EIF3I: variants seen among roughly 807,000 people sequenced by gnomAD.
EIF3I encodes the protein eukaryotic translation initiation factor 3 subunit I.
Under a neutral mutation model 43.3 loss-of-function variants are expected in EIF3I, and 20 were observed. That is an observed-to-expected ratio of 0.46 (90% CI 0.32 to 0.67). EIF3I has a LOEUF of 0.67. EIF3I is among the 30% of genes least tolerant of loss of function. The pLI, the probability that EIF3I is intolerant of heterozygous loss-of-function variation, is 0.03. For missense variants in EIF3I, 279 were observed against 421.4 expected, an observed-to-expected ratio of 0.66 and a Z score of 2.96; for synonymous variants, 167 against 151.7, an observed-to-expected ratio of 1.10 and a Z score of -0.74.
chr1:32,225,612 G>C (rs1424934090), intron 4 of EIF3I, among the ~76,000 whole-genome samples: 1 of 151,788 alleles, frequency 6.6e-6, no homozygotes, highest in African/African-American at 2.4e-5. Flanking sequence ...ATGGTGGTGG[G>C]CACCTGTAAT....
chr1:32,227,473 G>T (rs1569860633), intron 6 of EIF3I, among the ~76,000 whole-genome samples: 1 of 151,836 alleles, frequency 6.6e-6, no homozygotes, highest in African/African-American at 2.4e-5. Context: ...AAGTACTCAG[G>T]ACATGTTAAT....
exon 8 of EIF3I, chr1:32,228,745 C>T (rs1442633190): frequency 1.2e-6 from 2 of 1,614,152 alleles, no homozygotes; most frequent in South Asian, 2.2e-5. Flanking sequence ...CTCCACAACT[C>T]TTGAACATCA....
chr1:32,222,744 G>A, intron 2 of EIF3I, 114 bp downstream of exon 2: 1 of 1,051,980 alleles, frequency 9.5e-7, no homozygotes, highest in Non-Finnish European at 1.4e-6. Flanking sequence ...ATTGTGAGAA[G>A]TAGGGAGAGG....
rs72666795 is a variant in EIF3I, at chr1:32,231,027, A to C, written c.1007+8A>C. The C allele has an allele frequency of 0.091, 146,607 of 1,613,302 alleles. 9,755 individuals are homozygous for C. Among genetic ancestry groups the C allele is most frequent in the African/African-American group, 0.24 (17,649 of 74,904 alleles). ...CCATCCTGATGGCAAGAGGTAGGGT[A>C]CCAGTGAAGCAGCTGACCTAAGCCT... On this transcript the variant is annotated splice_region_variant and intron_variant, in intron 11 of 11. Coordinates refer to ENST00000676679, the Ensembl canonical transcript of EIF3I.
At chr1:32,232,030 T>G (rs968474407), downstream of EIF3I, 1 of 152,872 alleles carries the variant, frequency 6.5e-6, no homozygotes, top group Non-Finnish European at 1.5e-5. Context: ...GGGGAGAAGG[T>G]GTGGAGCTCA....
chr1:32,228,751 C>T (rs919100489), exon 8 of EIF3I: 1 of 1,614,124 alleles, frequency 6.2e-7, no homozygotes, highest in Non-Finnish European at 8.5e-7. Flanking sequence ...AACTCTTGAA[C>T]ATCAGAAGAC....
intron 2 of EIF3I, among the ~76,000 whole-genome samples, chr1:32,223,445 A>G (rs1411503654): frequency 1.3e-5 from 2 of 152,038 alleles, no homozygotes; most frequent in African/African-American, 4.8e-5. Context: ...CACCATGCCC[A>G]GCTAATTTTT....
chr1:32,224,551 G>A (rs1046662329), intron 4 of EIF3I, 76 bp downstream of exon 4: 56 of 1,074,856 alleles, frequency 5.2e-5, no homozygotes, highest in Non-Finnish European at 7.5e-5. Context: ...CAGGTCCTAG[G>A]AAAATAGAGA....
downstream of EIF3I, among the ~76,000 whole-genome samples, chr1:32,232,372 A>T (rs549437768): frequency 1.3e-5 from 2 of 152,366 alleles, no homozygotes; most frequent in South Asian, 4.1e-4. Flanking sequence ...GGAACAAGAC[A>T]AAGTCCTACT....
At position 32,222,641 on chromosome 1, in the gene EIF3I, G is replaced by A; in HGVS notation, c.96+11G>A. ...GTGGCCAAGGACCCTGTGAGTGTTG[G>A]CTGGAGGGGGTCCGGGAGGGGCGGG... On this transcript the variant is annotated intron_variant, in intron 2 of 11. Transcript: ENST00000676679. 6.2e-7 allele frequency: 1 copy of A among 1,613,498 alleles called. No individual in the cohort carries two copies. Among genetic ancestry groups the A allele is most frequent in the Non-Finnish European group, 8.5e-7 (1 of 1,179,476 alleles).
exon 6 of EIF3I, chr1:32,226,448 T>C: frequency 5.0e-6 from 8 of 1,602,906 alleles, no homozygotes; most frequent in Non-Finnish European, 6.8e-6. Context: ...GACTCTAAAA[T>C]CACCAGTGCT....
intron 4 of EIF3I, among the ~76,000 whole-genome samples, chr1:32,225,612 G>A (rs1424934090): frequency 6.6e-6 from 1 of 151,788 alleles, no homozygotes; most frequent in Non-Finnish European, 1.5e-5. Context: ...ATGGTGGTGG[G>A]CACCTGTAAT....
At chr1:32,224,289 G>T in intron 3 of EIF3I, 121 bp from the exon 4 acceptor site, 1 of 1,095,294 alleles carries the variant, frequency 9.1e-7, no homozygotes, top group South Asian at 1.3e-5. Context: ...TTCCAGTTCT[G>T]GATAAGGAGG....
intron 9 of EIF3I, among the ~76,000 whole-genome samples, chr1:32,230,126 A>G (rs999690471): frequency 7.9e-5 from 12 of 151,588 alleles, no homozygotes; most frequent in African/African-American, 2.9e-4. Context: ...GGCTCAAGCA[A>G]TCCTCTGTCC....
intron 3 of EIF3I, 50 bp from the exon 4 acceptor site, chr1:32,224,360 G>C (rs374204893): frequency 6.5e-7 from 1 of 1,527,168 alleles, no homozygotes; most frequent in South Asian, 1.1e-5. Flanking sequence ...GGCATCCCAA[G>C]AGGACAAGGG....
chr1:32,231,403 A>G (rs778448087), downstream of EIF3I: 6 of 477,706 alleles, frequency 1.3e-5, no homozygotes, highest in Non-Finnish European at 2.3e-5. Context: ...AGGCAGGAGA[A>G]TCACTTGAAC....
intron 4 of EIF3I, among the ~76,000 whole-genome samples, chr1:32,224,992 CCTGG>C: frequency 6.6e-6 from 1 of 152,292 alleles, no homozygotes; most frequent in East Asian, 1.9e-4. Context: ...CGCCATCACA[CCTGG>C]CTAATTTTTG....
At chr1:32,228,636 G>T (rs1317140387) in intron 7 of EIF3I, 27 bp downstream of exon 7, 1 of 1,610,288 alleles carries the variant, frequency 6.2e-7, no homozygotes. Flanking sequence ...GTCTGGCAGG[G>T]CTGCTCCCTC....
exon 12 of EIF3I, chr1:32,231,168 A>G (rs1639229529): frequency 6.2e-7 from 1 of 1,614,018 alleles, no homozygotes; most frequent in South Asian, 1.1e-5. Context: ...TTCGACCCAC[A>G]GTACTTCGAA....
Sources: gnomAD v4.1 joint callset for allele counts (sites outside exome capture counted in the v4.1 genomes callset) on GRCh38, gnomAD v4.1.1 for gene constraint, MANE v1.5 for transcripts, NCBI Gene and HGNC (gene_info 2026-07-23, HGNC 2026-07-21) for gene names.